CD34: variants seen among roughly 807,000 people sequenced by gnomAD.
CD34 encodes CD34 molecule.
CD34 carries 34 observed loss-of-function variants against 40.1 expected under a neutral mutation model. That is an observed-to-expected ratio of 0.85 (90% CI 0.65 to 1.13). CD34 has a LOEUF of 1.13. Ranked by LOEUF, CD34 falls within the 50% of genes most tolerant of loss-of-function variation. The probability of loss-of-function intolerance (pLI) is 0.00; values close to 1 mark genes in which losing one functional copy is unlikely to be tolerated. For missense variants in CD34, 426 were observed against 466.9 expected (o/e 0.91, Z 0.81); for synonymous variants, 209 against 190.0 (o/e 1.10, Z -0.82).
intron 6 of CD34, 79 bp downstream of exon 6, chr1:207,889,082 A>G (rs1043189702): frequency 2.1e-6 from 2 of 971,748 alleles, no homozygotes; most frequent in Admixed American, 1.7e-5. Context: ...ACTGGGGAAG[A>G]TAATGACTTC....
rs1167989762 is a variant in CD34 at position 207,885,135 on chromosome 1, T to A, written c.*2603A>T. 6.6e-6 allele frequency: 1 copy of A among 152,204 alleles called. No individual in the cohort carries two copies. The highest frequency in any genetic ancestry group is 1.5e-5 in the Non-Finnish European group (1 of 68,062). 9.4% of individuals were successfully genotyped at this position (152,204 alleles called of 1,614,324 possible). On this transcript the variant is annotated 3_prime_UTR_variant, in exon 8 of 8. Transcript: ENST00000310833. ...TCAACAGTGACGTTCTATAGTTATATGAGCTTTGTGTACAAGAGAAATTGG... is the reference window on the plus strand; with the variant it reads ...TCAACAGTGACGTTCTATAGTTATAAGAGCTTTGTGTACAAGAGAAATTGG...
intron 1 of CD34, among the ~76,000 whole-genome samples, chr1:207,910,279 A>G (rs1019070297): frequency 6.6e-6 from 1 of 152,190 alleles, no homozygotes; most frequent in Non-Finnish European, 1.5e-5. Context: ...AAATTTGTGC[A>G]GGGGTGACGG....
intron 3 of CD34, among the ~76,000 whole-genome samples, chr1:207,898,026 GGCTCTTTTATTTATTT>G (rs1662186064): frequency 1.6e-5 from 2 of 121,778 alleles, no homozygotes; most frequent in African/African-American, 6.7e-5. Context: ...TTCCCATTTT[GGCTCTTTTATTTATTT>G]ATTTATTTAT....
intron 6 of CD34, 110 bp downstream of exon 6, chr1:207,889,051 C>A: frequency 1.1e-6 from 1 of 895,268 alleles, no homozygotes; most frequent in Non-Finnish European, 1.9e-6. Context: ...GGAGAAGACT[C>A]AGAGAAGGAT....
chr1:207,892,751 A>G, intron 4 of CD34, among the ~76,000 whole-genome samples: 1 of 152,180 alleles, frequency 6.6e-6, no homozygotes, highest in East Asian at 1.9e-4. Flanking sequence ...TTCTGTGACT[A>G]GATTGTAAGA....
Position 207,899,222 on chromosome 1 carries a change from C to T in CD34, c.267G>A (p.Thr89=), listed in dbSNP as rs144312803. 750 of 1,613,890 alleles carry T rather than the reference C, an allele frequency of 4.6e-4. 4 individuals are homozygous for T. The African/African-American group carries it at 5.4e-3, about 12-fold the overall frequency. The part of the protein sequence containing the change: ...GNEATTNITE[T]TVKFTSTSVI... ...CAGAGGTAGATGTGAATTTGACTGTCGTTTCTGGAAGAGACCAAAACATGG... is the reference window on the plus strand; with the variant it reads ...CAGAGGTAGATGTGAATTTGACTGTTGTTTCTGGAAGAGACCAAAACATGG... Residue 89 remains threonine, a synonymous_variant, in exon 3 of 8, where the codon ACG becomes ACA. Coordinates refer to ENST00000310833, the MANE Select transcript of CD34 (RefSeq NM_001025109.2).
chr1:207,900,020 AG>A lies in CD34; in HGVS notation c.80-18del. 6.3e-7 allele frequency: 1 copy of A among 1,584,860 alleles called. No homozygotes were observed. Among genetic ancestry groups the A allele is most frequent in the Non-Finnish European group, 8.6e-7 (1 of 1,165,070 alleles). On this transcript the variant is annotated intron_variant, in intron 1 of 7. Transcript: ENST00000310833. The stretch of plus-strand genomic sequence containing the variant: ...ACCCAGAAGCTATAGGGAAACGAGG[AG>A]GAAGAATCAGAACCTAAAGATATCA...
intron 1 of CD34, 112 bp from the exon 2 acceptor site, chr1:207,900,115 C>G: frequency 2.6e-6 from 2 of 778,888 alleles, no homozygotes; most frequent in African/African-American, 1.8e-5. Flanking sequence ...TCCCTGCTGC[C>G]CCTTGTTGGC....
chr1:207,898,175 A>C (rs1342399474), intron 3 of CD34, among the ~76,000 whole-genome samples: 7 of 151,922 alleles, frequency 4.6e-5, no homozygotes, highest in Non-Finnish European at 1.0e-4. Context: ...CCTCCTGGGT[A>C]GCTGGGACTA....
In CD34 at chr1:207,885,376, C is replaced by T. The variant is rs1332173446; in HGVS notation, c.*2362G>A. The T allele has an allele frequency of 1.3e-5, 2 of 152,448 alleles. No homozygotes were observed. Among genetic ancestry groups the T allele is most frequent in the Non-Finnish European group, 2.9e-5 (2 of 68,122 alleles). 9.4% of individuals were successfully genotyped at this position (152,448 alleles called of 1,614,324 possible). On this transcript the variant is annotated 3_prime_UTR_variant, in exon 8 of 8. Coordinates refer to ENST00000310833, the MANE Select transcript of CD34 (RefSeq NM_001025109.2). ...GGGAACCAGCTGCCCCACCCCACCC[C>T]GCAATACACACACAGCCCTTCCTCC... is the stretch of plus-strand genomic sequence containing the variant.
At position 207,885,168 on chromosome 1, in the gene CD34, G is replaced by A. The variant is rs1661877595; in HGVS notation, c.*2570C>T. ...GTGTACAAGAGAAATTGGACTAGAG[G>A]GTGGGGCAGCCAGGGAGAGAAGCCC... is the stretch of plus-strand genomic sequence containing the variant. On this transcript the variant is annotated 3_prime_UTR_variant, in exon 8 of 8. Coordinates refer to ENST00000310833, the MANE Select transcript of CD34 (RefSeq NM_001025109.2). 6.6e-6 allele frequency: 1 copy of A among 152,198 alleles called. No individual in the cohort carries two copies. Among genetic ancestry groups the A allele is most frequent in the Non-Finnish European group, 1.5e-5 (1 of 68,078 alleles). The allele number at this position is 152,198 out of a possible 1,614,324, so 9.4% of individuals were successfully genotyped here.
intron 1 of CD34, among the ~76,000 whole-genome samples, chr1:207,910,480 G>T (rs372326220): frequency 1.3e-5 from 2 of 152,102 alleles, no homozygotes; most frequent in Non-Finnish European, 2.9e-5. Context: ...CCTGGCCTGG[G>T]ACCTGGAGCC....
At chr1:207,890,678 C>G (rs534034222) in intron 4 of CD34, among the ~76,000 whole-genome samples, 1 of 152,270 alleles carries the variant, frequency 6.6e-6, no homozygotes, top group South Asian at 2.1e-4. Context: ...GAATTTGAAG[C>G]AGCTGAGGGA....
At chr1:207,888,454 G>T (rs1298544729) in intron 7 of CD34, among the ~76,000 whole-genome samples, 1 of 152,214 alleles carries the variant, frequency 6.6e-6, no homozygotes, top group Non-Finnish European at 1.5e-5. Context: ...CGAATCATCT[G>T]CTACCACACC....
At chr1:207,898,617 G>C (rs1045072416) in intron 3 of CD34, among the ~76,000 whole-genome samples, 4 of 152,194 alleles carry the variant, frequency 2.6e-5, no homozygotes, top group Non-Finnish European at 5.9e-5. Flanking sequence ...AGCAGCCCCA[G>C]CAAATAAGCA....
At chr1:207,894,173 G>C (rs754153563) in intron 4 of CD34, among the ~76,000 whole-genome samples, 4 of 152,212 alleles carry the variant, frequency 2.6e-5, no homozygotes, top group Non-Finnish European at 5.9e-5. Flanking sequence ...CAGATGAATG[G>C]AGAAGCAAAA....
At chr1:207,909,103 C>T (rs1239511847) in intron 1 of CD34, among the ~76,000 whole-genome samples, 2 of 152,166 alleles carry the variant, frequency 1.3e-5, no homozygotes, top group Admixed American at 6.5e-5. Flanking sequence ...CATAAAACTA[C>T]AATTGGCTCA....
At chr1:207,906,872 T>A (rs560588400) in intron 1 of CD34, among the ~76,000 whole-genome samples, 1 of 151,596 alleles carries the variant, frequency 6.6e-6, no homozygotes, top group African/African-American at 2.4e-5. Context: ...AATAAATAAA[T>A]AAAATAGCAT....
chr1:207,891,962 G>A lies in CD34; in HGVS notation c.598-2341C>T, dbSNP rs1009493238. On this transcript the variant is annotated intron_variant, in intron 4 of 7. Coordinates refer to ENST00000310833, the MANE Select transcript of CD34 (RefSeq NM_001025109.2). ...TATAGGCCTTGAAGAATGGCTGGAG[G>A]GTGAGCAGAGGAAGCCAGTGGGGAA... Among the ~76,000 whole-genome samples, 21 of 152,126 alleles carry A rather than the reference G, an allele frequency of 1.4e-4. 1 individual carries two copies. Among genetic ancestry groups the A allele is most frequent in the Non-Finnish European group, 1.5e-5 (1 of 68,032 alleles).
Sources: gnomAD v4.1 joint callset for allele counts (sites outside exome capture counted in the v4.1 genomes callset) on GRCh38, gnomAD v4.1.1 for gene constraint, MANE v1.5 for transcripts, NCBI Gene and HGNC (gene_info 2026-07-23, HGNC 2026-07-21) for gene names.